The following SUGCT variants were observed in gnomAD, a reference collection of about 807,000 sequenced individuals.
The protein encoded by SUGCT is succinyl-CoA:glutarate CoA-transferase.
In SUGCT, 41 loss-of-function variants were observed where a neutral mutation model predicts 55.0. The ratio of observed to expected loss-of-function variants is 0.74; its 90% confidence interval spans 0.58 to 0.97. The LOEUF is 0.97. SUGCT is among the 50% of genes least tolerant of loss of function. The pLI is 0.00. For missense variants in SUGCT, 568 were observed against 547.8 expected, an observed-to-expected ratio of 1.04 and a Z score of -0.37; for synonymous variants, 187 against 200.4, an observed-to-expected ratio of 0.93 and a Z score of 0.56.
Position 40,460,136 on chromosome 7 carries a change from C to A in SUGCT, c.986+938C>A, listed in dbSNP as rs554436654. Among the ~76,000 whole-genome samples the A allele has an allele frequency of 6.6e-5, 10 of 152,182 alleles. No individual in the cohort carries two copies. The East Asian group carries it at 1.7e-3, about 26-fold the overall frequency. Reference sequence around the variant, plus strand: ...ATTCCGCTGTTTTTATTTTTGTTGTCTTTGTATTTGGGGATGTCTGCAGGA... The same window carrying A: ...ATTCCGCTGTTTTTATTTTTGTTGTATTTGTATTTGGGGATGTCTGCAGGA... On this transcript the variant is annotated intron_variant, in intron 11 of 13. Coordinates refer to ENST00000335693, the MANE Select transcript of SUGCT (RefSeq NM_001193313.2).
chr7:40,801,369 A>ATCT (rs1303801277), intron 13 of SUGCT, among the ~76,000 whole-genome samples: 1 of 152,180 alleles, frequency 6.6e-6, no homozygotes, highest in Non-Finnish European at 1.5e-5. Context: ...TCTGAGATGT[A>ATCT]TCTTGTTAGA....
Position 40,325,785 on chromosome 7 carries a change from G to A in SUGCT, c.816+8930G>A, listed in dbSNP as rs561787456. Among the ~76,000 whole-genome samples the A allele has an allele frequency of 2.6e-5, 4 of 152,096 alleles. No homozygotes were observed. In the East Asian group the frequency reaches 5.8e-4, roughly 22 times the overall value. On this transcript the variant is annotated intron_variant, in intron 9 of 13. Coordinates refer to ENST00000335693, the MANE Select transcript of SUGCT (RefSeq NM_001193313.2). ...TGCACCATTGCACTCCAGCCTGGGC[G>A]ACGAGCAAAACTCCGTCTCAAAACA...
At chr7:40,578,776 C>T (rs1260360793) in intron 12 of SUGCT, among the ~76,000 whole-genome samples, 1 of 152,144 alleles carries the variant, frequency 6.6e-6, no homozygotes, top group African/African-American at 2.4e-5. Flanking sequence ...TAAAAAAGAC[C>T]TATCATTCCT....
intron 12 of SUGCT, among the ~76,000 whole-genome samples, chr7:40,721,310 A>G (rs1362938069): frequency 6.6e-6 from 1 of 152,218 alleles, no homozygotes; most frequent in African/African-American, 2.4e-5. Flanking sequence ...TGCCTCATTC[A>G]AGTGACAGTC....
At chr7:40,523,547 A>G (rs992706987) in intron 12 of SUGCT, among the ~76,000 whole-genome samples, 1 of 152,032 alleles carries the variant, frequency 6.6e-6, no homozygotes, top group African/African-American at 2.4e-5. Flanking sequence ...AATTTATTCT[A>G]GTTCTGGATA....
intron 6 of SUGCT, among the ~76,000 whole-genome samples, chr7:40,224,855 G>A (rs1029556026): frequency 6.6e-6 from 1 of 152,170 alleles, no homozygotes; most frequent in African/African-American, 2.4e-5. Flanking sequence ...TCTGCCTTTT[G>A]TGTTGGCCTG....
intron 9 of SUGCT, among the ~76,000 whole-genome samples, chr7:40,393,286 C>G (rs954724816): frequency 6.6e-6 from 1 of 152,124 alleles, no homozygotes; most frequent in Non-Finnish European, 1.5e-5. Flanking sequence ...ATCAGAGAAA[C>G]AGACACAATT....
At chr7:41,010,544 G>A in the SUGCT span, among the ~76,000 whole-genome samples, 1 of 152,202 alleles carries the variant, frequency 6.6e-6, no homozygotes, top group African/African-American at 2.4e-5. Context: ...TGAAAAACAA[G>A]AAGCACAGTC....
chr7:40,733,040 G>C (rs1786977129), intron 12 of SUGCT, among the ~76,000 whole-genome samples: 1 of 152,142 alleles, frequency 6.6e-6, no homozygotes, highest in African/African-American at 2.4e-5. Flanking sequence ...CTGCACTCCA[G>C]CCTGGGCGAC....
the SUGCT span, among the ~76,000 whole-genome samples, chr7:40,901,823 G>A: frequency 0.013 from 2,031 of 152,300 alleles, 29 homozygotes; most frequent in Non-Finnish European, 0.018. Flanking sequence ...CATGAAAAGA[G>A]GTGTTGGATA....
intron 13 of SUGCT, among the ~76,000 whole-genome samples, chr7:40,784,061 G>A (rs1045498380): frequency 6.6e-6 from 1 of 152,150 alleles, no homozygotes; most frequent in African/African-American, 2.4e-5. Flanking sequence ...TGTGGGAAAA[G>A]CCTTTTACAG....
At chr7:40,551,106 A>C (rs1322651418) in intron 12 of SUGCT, among the ~76,000 whole-genome samples, 1 of 152,084 alleles carries the variant, frequency 6.6e-6, no homozygotes. Flanking sequence ...CTCTGTATTC[A>C]AGTGGGCATG....
intron 6 of SUGCT, among the ~76,000 whole-genome samples, chr7:40,204,203 C>G (rs186816465): frequency 1.3e-5 from 2 of 152,096 alleles, no homozygotes; most frequent in African/African-American, 2.4e-5. Context: ...GTTGCCCAGA[C>G]TAGTCTCAAA....
chr7:40,621,249 T>C (rs1252808667), intron 12 of SUGCT, among the ~76,000 whole-genome samples: 1 of 152,182 alleles, frequency 6.6e-6, no homozygotes, highest in Non-Finnish European at 1.5e-5. Context: ...TCAGCAATTC[T>C]AGCCCAGCGA....
intron 13 of SUGCT, among the ~76,000 whole-genome samples, chr7:40,848,401 C>A (rs1793686094): frequency 6.6e-6 from 1 of 152,058 alleles, no homozygotes; most frequent in Non-Finnish European, 1.5e-5. Context: ...GGAAAAATAG[C>A]CACAGCTGTG....
intron 1 of SUGCT, among the ~76,000 whole-genome samples, chr7:40,147,843 T>C (rs1446628331): frequency 2.0e-5 from 3 of 152,258 alleles, no homozygotes; most frequent in Non-Finnish European, 4.4e-5. Flanking sequence ...GTTTCTGTGC[T>C]GCAAAAGAAA....
intron 6 of SUGCT, among the ~76,000 whole-genome samples, chr7:40,237,021 T>A (rs1214008820): frequency 1.3e-5 from 2 of 151,794 alleles, no homozygotes; most frequent in East Asian, 4.0e-4. Context: ...TTAGTAGAGA[T>A]GGGGTTTCAC....
chr7:40,626,736 C>T (rs572078617), intron 12 of SUGCT, among the ~76,000 whole-genome samples: 1 of 152,194 alleles, frequency 6.6e-6, no homozygotes, highest in African/African-American at 2.4e-5. Context: ...AATCCTAGTT[C>T]TGGGTCTTAT....
At chr7:40,773,291 C>T (rs760589673) in intron 13 of SUGCT, among the ~76,000 whole-genome samples, 21 of 151,888 alleles carry the variant, frequency 1.4e-4, no homozygotes, top group Admixed American at 2.0e-4. Flanking sequence ...ACCACGCCCA[C>T]GTAATTTTTG....
Sources: gnomAD v4.1 joint callset for allele counts (sites outside exome capture counted in the v4.1 genomes callset) on GRCh38, gnomAD v4.1.1 for gene constraint, MANE v1.5 for transcripts, NCBI Gene and HGNC (gene_info 2026-07-23, HGNC 2026-07-21) for gene names.